The following ZNF486 variants were observed in gnomAD, a reference collection of about 807,000 sequenced individuals.
ZNF486 encodes the protein zinc finger protein 486, also known as KRAB box only protein 2.
Under a neutral mutation model 12.8 loss-of-function variants are expected in ZNF486, and 12 were observed. That is an observed-to-expected ratio of 0.94 (90% CI 0.60 to 1.52). ZNF486 has a LOEUF of 1.52. Among genes scored for constraint, ZNF486 ranks in the 40% most tolerant of loss-of-function variants. ZNF486 has a pLI of 0.00. For missense variants in ZNF486, 738 were observed against 545.0 expected, an observed-to-expected ratio of 1.35 and a Z score of -3.53; for synonymous variants, 231 against 184.9, an observed-to-expected ratio of 1.25 and a Z score of -2.02.
chr19:20,171,907 TCTC>T lies in ZNF486; in HGVS notation c.30+4551_30+4553del, dbSNP rs367909060. On this transcript the variant is annotated intron_variant, in intron 1 of 3. Coordinates refer to ENST00000335117, the MANE Select transcript of ZNF486 (RefSeq NM_052852.4). ...TCAACTAGGCCTCAGTGTCTGTTGT[TCTC>T]CTCTTTGTGTTCATGTGTTCTTATT... Among the ~76,000 whole-genome samples the T allele has an allele frequency of 2.5e-3, 376 of 152,196 alleles. 2 individuals are homozygous for T. Among genetic ancestry groups the T allele is most frequent in the African/African-American group, 8.4e-3 (350 of 41,520 alleles).
chr19:20,167,814 T>C (rs112360967), intron 1 of ZNF486, among the ~76,000 whole-genome samples: 15 of 148,838 alleles, frequency 1.0e-4, no homozygotes, highest in Admixed American at 2.7e-4. Flanking sequence ...AGGCGAAGGC[T>C]GGCGGATCAC....
chr19:20,167,969 A>G (rs2089603311), intron 1 of ZNF486, among the ~76,000 whole-genome samples: 1 of 152,180 alleles, frequency 6.6e-6, no homozygotes, highest in Admixed American at 6.5e-5. Flanking sequence ...CTATTTGGAA[A>G]AAGTTTGGGT....
intron 3 of ZNF486, among the ~76,000 whole-genome samples, chr19:20,190,239 T>C (rs1038316334): frequency 2.4e-4 from 36 of 152,214 alleles, no homozygotes; most frequent in African/African-American, 8.2e-4. Context: ...AGAATAAAAT[T>C]TTTTGACCCC....
At chr19:20,168,350 C>A (rs527970442) in intron 1 of ZNF486, among the ~76,000 whole-genome samples, 1 of 149,452 alleles carries the variant, frequency 6.7e-6, no homozygotes, top group East Asian at 2.0e-4. Flanking sequence ...CAGAGCAAGA[C>A]TCCTTCACAC....
intron 1 of ZNF486, among the ~76,000 whole-genome samples, chr19:20,179,829 A>G (rs981871727): frequency 6.6e-6 from 1 of 152,214 alleles, no homozygotes; most frequent in Non-Finnish European, 1.5e-5. Flanking sequence ...ATAGAATCTG[A>G]TGGCAGAATC....
At chr19:20,176,838 AG>A (rs71340319) in intron 1 of ZNF486, 1 of 152,700 alleles carries the variant, frequency 6.5e-6, no homozygotes, top group Non-Finnish European at 1.5e-5. Flanking sequence ...GGACAGGGAG[AG>A]GGAGAGTCGA....
chr19:20,176,609 G>C (rs1232982924), intron 1 of ZNF486: 1 of 166,642 alleles, frequency 6.0e-6, no homozygotes. Flanking sequence ...GATCACTCGC[G>C]GTTAGGAGCT....
Position 20,179,311 on chromosome 19 carries a change from C to T in ZNF486, c.31-5045C>T, listed in dbSNP as rs971759562. ...TATGTAAATAAATAAAAACTTTTGA[C>T]AAACAACTCTGCATCAGCCCACTTT... On this transcript the variant is annotated intron_variant, in intron 1 of 3. Coordinates refer to ENST00000335117, the MANE Select transcript of ZNF486 (RefSeq NM_052852.4). Among the ~76,000 whole-genome samples the T allele has an allele frequency of 2.6e-5, 4 of 152,134 alleles. No homozygotes were observed. In the East Asian group the frequency reaches 7.7e-4, roughly 29 times the overall value.
intron 3 of ZNF486, among the ~76,000 whole-genome samples, chr19:20,187,121 G>T (rs1190518414): frequency 2.6e-5 from 4 of 151,436 alleles, no homozygotes; most frequent in African/African-American, 9.7e-5. Context: ...TACCTCCTTG[G>T]TTTTTTTCTA....
In ZNF486 at chr19:20,197,466, CT is replaced by C. The variant is rs781848911; in HGVS notation, c.759del (p.Phe253LeufsTer34). The part of the protein sequence containing the change: ...CGKVFKYFSS[F>X]TTHKKIHSGE... ...GCAAAGTCTTTAAGTACTTCTCTAG[CT>C]TTACTACACATAAGAAAATTCATAG... On this transcript the variant is annotated frameshift_variant, in exon 4 of 4. Transcript: ENST00000335117. LOFTEE classifies it low-confidence loss of function (END_TRUNC). 213 of 1,608,708 alleles carry C rather than the reference CT, an allele frequency of 1.3e-4. No individual in the cohort carries two copies. The highest frequency in any genetic ancestry group is 1.8e-4 in the Non-Finnish European group (211 of 1,177,204).
rs1555713118 is a variant in ZNF486, at chr19:20,167,253, T to C, written c.-78T>C. The stretch of plus-strand genomic sequence containing the variant: ...CTGGAGCTCTAGGTCGCCTCTTCGC[T>C]ACTCTGTGTCCTCTGCTCCTAGAGG... On this transcript the variant is annotated 5_prime_UTR_variant, in exon 1 of 4. Coordinates refer to ENST00000335117, the MANE Select transcript of ZNF486 (RefSeq NM_052852.4). The C allele has an allele frequency of 6.3e-7, 1 of 1,587,454 alleles. No homozygotes were observed. Among genetic ancestry groups the C allele is most frequent in the Admixed American group, 1.7e-5 (1 of 59,944 alleles).
At chr19:20,169,954 G>C (rs939585032) in intron 1 of ZNF486, among the ~76,000 whole-genome samples, 3 of 146,952 alleles carry the variant, frequency 2.0e-5, no homozygotes, top group Non-Finnish European at 3.0e-5. Context: ...GCAGTGGCGC[G>C]ATCTCGGCTC....
chr19:20,192,751 T>C (rs1484551862), intron 3 of ZNF486, among the ~76,000 whole-genome samples: 1 of 152,174 alleles, frequency 6.6e-6, no homozygotes, highest in Admixed American at 6.5e-5. Flanking sequence ...ATCATAGCCA[T>C]CTATGTTTTT....
chr19:20,172,706 C>A (rs112576807), intron 1 of ZNF486, among the ~76,000 whole-genome samples: 3 of 142,822 alleles, frequency 2.1e-5, no homozygotes, highest in African/African-American at 7.7e-5. Flanking sequence ...GTGGCACTAT[C>A]TCGGCTCACT....
At chr19:20,191,935 G>T (rs149159247) in intron 3 of ZNF486, among the ~76,000 whole-genome samples, 15 of 151,772 alleles carry the variant, frequency 9.9e-5, no homozygotes. Context: ...TTTTTATGTT[G>T]CTATGTATGC....
chr19:20,193,485 C>T (rs577542667), intron 3 of ZNF486, among the ~76,000 whole-genome samples: 10 of 151,810 alleles, frequency 6.6e-5, no homozygotes, highest in South Asian at 2.1e-4. Flanking sequence ...CATGGTGAAA[C>T]GCTGTCTCTA....
In ZNF486 at chr19:20,184,336, T is replaced by C. The variant is rs374279430; in HGVS notation, c.31-20T>C. 443 of 1,610,348 alleles carry C rather than the reference T, an allele frequency of 2.8e-4. 7 individuals carry two copies. The highest frequency in any genetic ancestry group is 1.9e-3 in the South Asian group (176 of 91,032). ...CCAACGGCGACTTGGTGAAAATGTG[T>C]GTGTGTGTGTGTTTTTCAGGAATCA... On this transcript the variant is annotated intron_variant, in intron 1 of 3. Transcript: ENST00000335117.
At chr19:20,180,673 A>C (rs1488773222) in intron 1 of ZNF486, among the ~76,000 whole-genome samples, 6 of 152,146 alleles carry the variant, frequency 3.9e-5, no homozygotes, top group African/African-American at 1.4e-4. Flanking sequence ...ACTTGGGTTC[A>C]AGCGATTCTC....
At position 20,193,370 on chromosome 19, in the gene ZNF486, C is replaced by A. The variant is rs185509734; in HGVS notation, c.254-3594C>A. 1.5e-3 allele frequency among the ~76,000 whole-genome samples: 220 copies of A among 151,212 alleles called. 1 individual carries two copies. The highest frequency in any genetic ancestry group is 5.2e-3 in the African/African-American group (214 of 41,160). On this transcript the variant is annotated intron_variant, in intron 3 of 3. Coordinates refer to ENST00000335117, the MANE Select transcript of ZNF486 (RefSeq NM_052852.4). ...AGTGCAGTGGTGTAATCTTGGCTCA[C>A]TGTAACCTCCACCAGGCATGGTGGC...
Sources: gnomAD v4.1 joint callset for allele counts (sites outside exome capture counted in the v4.1 genomes callset) on GRCh38, gnomAD v4.1.1 for gene constraint, MANE v1.5 for transcripts, NCBI Gene and HGNC (gene_info 2026-07-23, HGNC 2026-07-21) for gene names.